Variants in PCTP observed in about 807,000 individuals in gnomAD.
PCTP encodes the protein phosphatidylcholine transfer protein.
A neutral mutation model predicts 31.0 loss-of-function variants in PCTP; 27 were observed. The observed-to-expected ratio is 0.87, with a 90% confidence interval of 0.64 to 1.20. The LOEUF (loss-of-function observed/expected upper bound fraction) is 1.20, where lower values mean the gene tolerates loss of function less well. PCTP is among the 50% of genes most tolerant of loss of function. The probability of loss-of-function intolerance (pLI) is 0.00; values close to 1 mark genes in which losing one functional copy is unlikely to be tolerated. For missense variants in PCTP, 287 were observed against 268.2 expected (o/e 1.07, Z -0.49); for synonymous variants, 108 against 101.2 (o/e 1.07, Z -0.40).
intron 1 of PCTP, among the ~76,000 whole-genome samples, chr17:55,756,174 A>G (rs1455693132): frequency 6.6e-6 from 1 of 152,198 alleles, no homozygotes; most frequent in Non-Finnish European, 1.5e-5. Flanking sequence ...GACCCTGGGG[A>G]TAAGTGGTGA....
At chr17:55,846,279 A>G (rs1906148212), downstream of PCTP, among the ~76,000 whole-genome samples, 1 of 152,164 alleles carries the variant, frequency 6.6e-6, no homozygotes, top group South Asian at 2.1e-4. Flanking sequence ...ACCACCAAAT[A>G]TAGATTCACT....
chr17:55,773,937 C>T (rs770601398), intron 4 of PCTP, 42 bp downstream of exon 4: 2 of 1,541,034 alleles, frequency 1.3e-6, no homozygotes, highest in South Asian at 1.2e-5. Flanking sequence ...GCCAGGGGTC[C>T]CCCACGGGAG....
At chr17:55,832,186 G>T (rs533922665) in intron 5 of PCTP, among the ~76,000 whole-genome samples, 2 of 152,206 alleles carry the variant, frequency 1.3e-5, no homozygotes, top group African/African-American at 2.4e-5. Context: ...TCACTACGCC[G>T]TTGGAAGTAT....
intron 1 of PCTP, among the ~76,000 whole-genome samples, chr17:55,767,118 T>C (rs1429893029): frequency 6.6e-6 from 1 of 152,222 alleles, no homozygotes; most frequent in Admixed American, 6.5e-5. Flanking sequence ...TGTTTGTTTT[T>C]TTCTTGTAAA....
chr17:55,825,284 C>T (rs1567731891), downstream of PCTP, among the ~76,000 whole-genome samples: 1 of 152,138 alleles, frequency 6.6e-6, no homozygotes, highest in Non-Finnish European at 1.5e-5. Context: ...TTTTGTGAGT[C>T]TCTAAGTCAA....
At chr17:55,846,495 C>G (rs1211271699), downstream of PCTP, among the ~76,000 whole-genome samples, 1 of 152,086 alleles carries the variant, frequency 6.6e-6, no homozygotes, top group African/African-American at 2.4e-5. Context: ...TAAAGAGGAT[C>G]TAATTTAGCA....
chr17:55,793,281 A>C (rs936156688), intron 3 of PCTP, among the ~76,000 whole-genome samples: 2 of 152,106 alleles, frequency 1.3e-5, no homozygotes, highest in African/African-American at 2.4e-5. Flanking sequence ...ACAGTCAGAA[A>C]CACTTGGGGA....
At chr17:55,796,687 G>T (rs1279092430) in intron 3 of PCTP, among the ~76,000 whole-genome samples, 1 of 151,918 alleles carries the variant, frequency 6.6e-6, no homozygotes, top group Non-Finnish European at 1.5e-5. Context: ...GATCTCCTGT[G>T]CACATATGAC....
intron 5 of PCTP, among the ~76,000 whole-genome samples, chr17:55,828,562 A>G (rs1246600572): frequency 6.6e-6 from 1 of 152,174 alleles, no homozygotes; most frequent in East Asian, 1.9e-4. Context: ...CACTCTAATG[A>G]CCTCATCTTA....
At chr17:55,845,377 C>G (rs1268255622), downstream of PCTP, among the ~76,000 whole-genome samples, 2 of 152,182 alleles carry the variant, frequency 1.3e-5, no homozygotes, top group Non-Finnish European at 2.9e-5. Context: ...CCTCTTCCGT[C>G]TCCGTGGTGC....
downstream of PCTP, among the ~76,000 whole-genome samples, chr17:55,827,621 T>C (rs904483912): frequency 6.6e-6 from 1 of 152,224 alleles, no homozygotes; most frequent in African/African-American, 2.4e-5. Flanking sequence ...TTTGTTGTTA[T>C]CAACCTACCA....
chr17:55,802,505 C>CA (rs1478456216), intron 3 of PCTP, among the ~76,000 whole-genome samples: 1 of 152,182 alleles, frequency 6.6e-6, no homozygotes, highest in Non-Finnish European at 1.5e-5. Context: ...AGCAGCACAT[C>CA]AAAAGGCTTA....
intron 5 of PCTP, among the ~76,000 whole-genome samples, chr17:55,829,689 AACACAC>A (rs3083340): frequency 0.068 from 9,948 of 146,168 alleles, 358 homozygotes; most frequent in African/African-American, 0.1. Context: ...TAATAATTTA[AACACAC>A]ACACACACAC....
At chr17:55,819,351 G>A (rs552223475) in intron 3 of PCTP, among the ~76,000 whole-genome samples, 2 of 152,132 alleles carry the variant, frequency 1.3e-5, no homozygotes, top group African/African-American at 4.8e-5. Flanking sequence ...GATTGGAAAG[G>A]AAAAAGCAAA....
At chr17:55,845,085 CAAAAAAAAAA>C (rs891404386), downstream of PCTP, among the ~76,000 whole-genome samples, 515 of 32,528 alleles carry the variant, frequency 0.016, 12 homozygotes, top group East Asian at 0.06. Context: ...AAAACTCCAT[CAAAAAAAAAA>C]AAAAAAAAAA....
chr17:55,769,497 G>A (rs1300901518), intron 2 of PCTP: 4 of 152,356 alleles, frequency 2.6e-5, no homozygotes, highest in African/African-American at 9.6e-5. Context: ...CAGCATGGAA[G>A]ATCCATTTTT....
downstream of PCTP, among the ~76,000 whole-genome samples, chr17:55,781,397 T>C (rs1365634846): frequency 6.6e-6 from 1 of 152,260 alleles, no homozygotes. Flanking sequence ...TCCTTGGATT[T>C]AGAAAAAACT....
At chr17:55,828,876 G>A (rs1905494237) in intron 5 of PCTP, among the ~76,000 whole-genome samples, 1 of 152,226 alleles carries the variant, frequency 6.6e-6, no homozygotes, top group Non-Finnish European at 1.5e-5. Context: ...TAACAGCCAA[G>A]GGAGTGCCGG....
Position 55,776,399 on chromosome 17 carries a change from T to A in PCTP, c.*299T>A, listed in dbSNP as rs556731066. 228 of 1,255,660 alleles carry A rather than the reference T, an allele frequency of 1.8e-4. No homozygotes were observed. Among genetic ancestry groups the A allele is most frequent in the Middle Eastern group, 1.5e-3 (5 of 3,320 alleles). The allele number at this position is 1,255,660 out of a possible 1,614,324, so 77.8% of individuals were successfully genotyped here. A position where few individuals can be genotyped will look rare whatever the true frequency, so the allele number is the denominator to read the frequency against. On this transcript the variant is annotated 3_prime_UTR_variant, in exon 6 of 6. Coordinates refer to ENST00000268896, the MANE Select transcript of PCTP (RefSeq NM_021213.4). ...TGGGGCAGACTAGGGAAACCTTTGC[T>A]TGCTTACTATTAGGAGGGGAAGTCT... is the stretch of plus-strand genomic sequence containing the variant.
Sources: allele counts gnomAD v4.1 joint callset (sites outside exome capture counted in the v4.1 genomes callset), GRCh38; gene constraint gnomAD v4.1.1; transcripts MANE v1.5; gene names NCBI Gene and HGNC (gene_info 2026-07-23, HGNC 2026-07-21).